The following ATRNL1 variants were observed in gnomAD, a reference collection of about 807,000 sequenced individuals.
ATRNL1 encodes attractin like 1.
ATRNL1 carries 95 observed loss-of-function variants against 182.7 expected under a neutral mutation model. The ratio of observed to expected loss-of-function variants is 0.52; its 90% CI spans 0.44 to 0.62. The LOEUF (loss-of-function observed/expected upper bound fraction) is 0.62. Ranked by LOEUF, ATRNL1 falls within the 20% of genes least tolerant of loss-of-function variation. The probability of loss-of-function intolerance (pLI) is 0.00; values close to 1 mark genes in which losing one functional copy is unlikely to be tolerated. For synonymous variants in ATRNL1, 576 were observed against 568.3 expected (o/e 1.01, Z -0.19); for missense variants, 1,471 against 1,679.5 (o/e 0.88, Z 2.17).
At chr10:115,167,413 A>T (rs1554884652) in intron 7 of ATRNL1, among the ~76,000 whole-genome samples, 1 of 152,040 alleles carries the variant, frequency 6.6e-6, no homozygotes, top group African/African-American at 2.4e-5. Flanking sequence ...GAATTTTAGG[A>T]TTAAGTCTTC....
intron 19 of ATRNL1, among the ~76,000 whole-genome samples, chr10:115,386,855 C>T (rs2134250474): frequency 7.1e-6 from 1 of 139,882 alleles, no homozygotes; most frequent in East Asian, 2.2e-4. Context: ...TGATGTTCCC[C>T]TTCCTGTGTC....
At chr10:115,451,718 C>T (rs1847291230) in intron 21 of ATRNL1, among the ~76,000 whole-genome samples, 1 of 151,954 alleles carries the variant, frequency 6.6e-6, no homozygotes, top group Admixed American at 6.6e-5. Flanking sequence ...CTCAAAGAGC[C>T]AAAAGCAGAA....
At chr10:115,184,935 G>A (rs1171308325) in intron 8 of ATRNL1, among the ~76,000 whole-genome samples, 3 of 151,944 alleles carry the variant, frequency 2.0e-5, no homozygotes, top group Admixed American at 6.6e-5. Context: ...TTTGTTTTTT[G>A]AAGGTTTAGG....
At chr10:115,279,412 T>C (rs1036664607) in intron 13 of ATRNL1, among the ~76,000 whole-genome samples, 2 of 152,120 alleles carry the variant, frequency 1.3e-5, no homozygotes, top group Admixed American at 6.5e-5. Context: ...ATTATCTTGT[T>C]TGTTGATTTC....
Position 115,114,876 on chromosome 10 carries a change from C to CT in ATRNL1, c.294-5308dup, listed in dbSNP as rs552456645. On this transcript the variant is annotated intron_variant, in intron 1 of 28. Transcript: ENST00000355044. ...TAGAATCACCATATGATCCAGCAGT[C>CT]TGAGTATATATCCAAAGGAATTGGA... 1.8e-3 allele frequency among the ~76,000 whole-genome samples: 272 copies of CT among 151,666 alleles called. 1 individual carries two copies. Among genetic ancestry groups the CT allele is most frequent in the African/African-American group, 6.3e-3 (260 of 41,468 alleles).
At chr10:115,750,133 C>G (rs572218951) in intron 27 of ATRNL1, among the ~76,000 whole-genome samples, 1 of 151,782 alleles carries the variant, frequency 6.6e-6, no homozygotes, top group Non-Finnish European at 1.5e-5. Flanking sequence ...TAAGATAGTA[C>G]CCAAACACTT....
chr10:115,249,470 T>C (rs1554904915), intron 10 of ATRNL1, among the ~76,000 whole-genome samples: 2 of 152,174 alleles, frequency 1.3e-5, no homozygotes, highest in Admixed American at 6.6e-5. Flanking sequence ...AATAAATCAG[T>C]CTGCCTTCAG....
intron 9 of ATRNL1, among the ~76,000 whole-genome samples, chr10:115,228,573 T>A (rs567736937): frequency 6.6e-6 from 1 of 152,320 alleles, no homozygotes; most frequent in South Asian, 2.1e-4. Context: ...CAGATTTTCT[T>A]GGCCTATTGT....
intron 26 of ATRNL1, among the ~76,000 whole-genome samples, chr10:115,670,986 G>T (rs892418966): frequency 6.6e-6 from 1 of 152,154 alleles, no homozygotes; most frequent in Non-Finnish European, 1.5e-5. Flanking sequence ...CTGCTGAAGA[G>T]GTTAAGGATT....
chr10:115,335,511 C>T (rs1006994137), intron 19 of ATRNL1, among the ~76,000 whole-genome samples: 4 of 152,164 alleles, frequency 2.6e-5, no homozygotes, highest in Non-Finnish European at 5.9e-5. Context: ...TCCCAAGTGA[C>T]TAATATGCAC....
intron 28 of ATRNL1, among the ~76,000 whole-genome samples, chr10:115,855,048 C>G (rs949692488): frequency 1.3e-5 from 2 of 152,132 alleles, no homozygotes; most frequent in African/African-American, 2.4e-5. Flanking sequence ...GGTTTAGCAC[C>G]CTCAGAGTCC....
chr10:115,467,798 T>C (rs1848123414), intron 23 of ATRNL1, among the ~76,000 whole-genome samples: 1 of 150,728 alleles, frequency 6.6e-6, no homozygotes, highest in Non-Finnish European at 1.5e-5. Context: ...TTAAAAAGTA[T>C]ATCTGAGAAG....
intron 27 of ATRNL1, among the ~76,000 whole-genome samples, chr10:115,845,156 A>AT (rs1320976872): frequency 3.3e-5 from 5 of 152,092 alleles, no homozygotes; most frequent in African/African-American, 1.2e-4. Context: ...AATAATTCAT[A>AT]TTTTTGCTAA....
At chr10:115,109,709 T>C (rs1412135170) in intron 1 of ATRNL1, among the ~76,000 whole-genome samples, 1 of 152,196 alleles carries the variant, frequency 6.6e-6, no homozygotes, top group Non-Finnish European at 1.5e-5. Context: ...CTCCTTTCTG[T>C]CTGAGATCTC....
intron 28 of ATRNL1, among the ~76,000 whole-genome samples, chr10:115,894,221 C>G (rs1422242814): frequency 1.3e-5 from 2 of 152,186 alleles, no homozygotes; most frequent in African/African-American, 2.4e-5. Flanking sequence ...AGGAATGGGA[C>G]TGAGATGATG....
chr10:115,723,607 G>A (rs528426467), intron 26 of ATRNL1, among the ~76,000 whole-genome samples: 1 of 151,592 alleles, frequency 6.6e-6, no homozygotes, highest in African/African-American at 2.4e-5. Flanking sequence ...GGAGTGCAAT[G>A]ACGCAATCTC....
intron 21 of ATRNL1, among the ~76,000 whole-genome samples, chr10:115,456,813 A>G (rs1158433140): frequency 6.6e-6 from 1 of 152,070 alleles, no homozygotes; most frequent in Non-Finnish European, 1.5e-5. Context: ...GAATATACTG[A>G]TCAGTCTCAC....
At chr10:115,229,124 G>A (rs1823775064) in intron 9 of ATRNL1, among the ~76,000 whole-genome samples, 1 of 151,976 alleles carries the variant, frequency 6.6e-6, no homozygotes, top group Admixed American at 6.6e-5. Context: ...TAATGGTAAT[G>A]CTTCTGTGGT....
chr10:115,659,236 T>C (rs1198767622), intron 26 of ATRNL1, among the ~76,000 whole-genome samples: 1 of 152,086 alleles, frequency 6.6e-6, no homozygotes, highest in African/African-American at 2.4e-5. Context: ...CCCAATATAG[T>C]TTCCCTGCAC....
Sources: allele counts gnomAD v4.1 joint callset (sites outside exome capture counted in the v4.1 genomes callset), GRCh38; gene constraint gnomAD v4.1.1; transcripts MANE v1.5; gene names NCBI Gene and HGNC (gene_info 2026-07-23, HGNC 2026-07-21).